Variants in SLC35F4 observed in about 807,000 individuals in gnomAD.
The protein encoded by SLC35F4 is solute carrier family 35 member F4, also known as chromosome 14 open reading frame 36.
Under a neutral mutation model 44.2 loss-of-function variants are expected in SLC35F4, and 24 were observed. That is an observed-to-expected ratio of 0.54 (90% CI 0.39 to 0.76). SLC35F4 has a LOEUF of 0.76. Ranked by LOEUF, SLC35F4 falls within the 30% of genes least tolerant of loss-of-function variation. The pLI is 0.00. For synonymous variants in SLC35F4, 238 were observed against 223.6 expected (o/e 1.06, Z -0.57); for missense variants, 562 against 586.1 (o/e 0.96, Z 0.42).
At chr14:57,745,996 C>T (rs2076743448) in intron 1 of SLC35F4, among the ~76,000 whole-genome samples, 1 of 151,976 alleles carries the variant, frequency 6.6e-6, no homozygotes, top group Non-Finnish European at 1.5e-5. Context: ...AAAAACCAAA[C>T]ACCACATGTT....
chr14:57,706,989 A>G (rs1271278767), intron 1 of SLC35F4, among the ~76,000 whole-genome samples: 1 of 152,214 alleles, frequency 6.6e-6, no homozygotes, highest in Non-Finnish European at 1.5e-5. Context: ...GGATGTGAGA[A>G]GACTGGTTTG....
chr14:57,962,042 T>C (rs1195055190), intron 1 of SLC35F4, among the ~76,000 whole-genome samples: 1 of 152,212 alleles, frequency 6.6e-6, no homozygotes, highest in Non-Finnish European at 1.5e-5. Context: ...GATCGGCCAA[T>C]AATAAATGAT....
intron 1 of SLC35F4, among the ~76,000 whole-genome samples, chr14:57,853,098 A>G (rs753274383): frequency 2.6e-5 from 4 of 152,186 alleles, no homozygotes; most frequent in Admixed American, 2.0e-4. Context: ...GTATTGCCCT[A>G]TCTGACCTAG....
At chr14:57,827,930 AATAACCTGCATCTAC>A (rs1311296440) in intron 1 of SLC35F4, among the ~76,000 whole-genome samples, 2 of 152,208 alleles carry the variant, frequency 1.3e-5, no homozygotes, top group African/African-American at 4.8e-5. Context: ...GATTTCAGCT[AATAACCTGCATCTAC>A]ATTTGTTTTG....
intron 4 of SLC35F4, among the ~76,000 whole-genome samples, chr14:57,575,507 A>C (rs1251551188): frequency 6.6e-6 from 1 of 152,112 alleles, no homozygotes; most frequent in Non-Finnish European, 1.5e-5. Context: ...GATGGGGAAA[A>C]AAAAAACTCA....
chr14:57,598,837 A>G (rs2070644040), intron 1 of SLC35F4, among the ~76,000 whole-genome samples: 1 of 152,196 alleles, frequency 6.6e-6, no homozygotes, highest in Non-Finnish European at 1.5e-5. Flanking sequence ...ACCTAAAGGT[A>G]GAAATCATGA....
intron 1 of SLC35F4, among the ~76,000 whole-genome samples, chr14:57,695,001 C>T (rs73288210): frequency 0.03 from 4,503 of 152,064 alleles, 217 homozygotes; most frequent in African/African-American, 0.1. Flanking sequence ...CTTCTTTACA[C>T]GTTATACAAA....
intron 1 of SLC35F4, among the ~76,000 whole-genome samples, chr14:57,980,577 T>C (rs906231518): frequency 6.6e-6 from 1 of 152,092 alleles, no homozygotes; most frequent in Non-Finnish European, 1.5e-5. Flanking sequence ...ATTTCAAGCA[T>C]AGCATGTGGC....
chr14:57,646,162 C>T (rs562557103), intron 1 of SLC35F4, among the ~76,000 whole-genome samples: 41 of 152,284 alleles, frequency 2.7e-4, no homozygotes, highest in African/African-American at 9.9e-4. Context: ...AGGATTCCCT[C>T]TTTTTCTATT....
chr14:57,891,531 A>T (rs148039992), intron 1 of SLC35F4, among the ~76,000 whole-genome samples: 8 of 152,262 alleles, frequency 5.3e-5, no homozygotes, highest in Non-Finnish European at 1.2e-4. Context: ...GCTAACTCAG[A>T]TTAGTAAGAA....
At chr14:57,571,115 G>A (rs2068479592) in intron 5 of SLC35F4, among the ~76,000 whole-genome samples, 1 of 152,184 alleles carries the variant, frequency 6.6e-6, no homozygotes, top group South Asian at 2.1e-4. Flanking sequence ...CTTTCAGAGT[G>A]TGTTTTCTCA....
intron 1 of SLC35F4, among the ~76,000 whole-genome samples, chr14:57,628,325 T>C (rs12893325): frequency 0.57 from 74,385 of 130,470 alleles, 22,654 homozygotes; most frequent in Non-Finnish European, 0.71. Context: ...ATACTTTAAG[T>C]TCTGGGGTAC....
At chr14:57,640,997 A>C (rs2073207490) in intron 1 of SLC35F4, among the ~76,000 whole-genome samples, 1 of 152,012 alleles carries the variant, frequency 6.6e-6, no homozygotes, top group Non-Finnish European at 1.5e-5. Context: ...CACCAATATA[A>C]TGGTTTTCTG....
At chr14:57,757,539 CTTAT>C (rs143969136) in intron 1 of SLC35F4, among the ~76,000 whole-genome samples, 17,832 of 151,634 alleles carry the variant, frequency 0.12, 1,250 homozygotes, top group South Asian at 0.18. Flanking sequence ...TGTTGTTTTA[CTTAT>C]TTGTTTTTAT....
chr14:57,576,689 G>T (rs1296508891), intron 4 of SLC35F4, among the ~76,000 whole-genome samples: 1 of 152,128 alleles, frequency 6.6e-6, no homozygotes, highest in African/African-American at 2.4e-5. Flanking sequence ...TGTGACAGGG[G>T]GAAGGGGGGT....
chr14:57,927,921 G>A (rs1889613636), intron 1 of SLC35F4, among the ~76,000 whole-genome samples: 1 of 151,886 alleles, frequency 6.6e-6, no homozygotes, highest in Non-Finnish European at 1.5e-5. Context: ...AGAACTCTTT[G>A]TCTGGATCTA....
At chr14:57,628,236 T>C (rs1481531772) in intron 1 of SLC35F4, among the ~76,000 whole-genome samples, 1 of 66,940 alleles carries the variant, frequency 1.5e-5, no homozygotes, top group African/African-American at 5.0e-5. Context: ...GCTTTCTATA[T>C]GACTGAATTT....
chr14:57,906,969 A>G (rs1015982967), intron 1 of SLC35F4, among the ~76,000 whole-genome samples: 2 of 152,246 alleles, frequency 1.3e-5, no homozygotes, highest in African/African-American at 4.8e-5. Context: ...TTGCTTTCCA[A>G]TAACCAATAT....
chr14:57,606,223 G>C (rs1023541408), intron 1 of SLC35F4, among the ~76,000 whole-genome samples: 2 of 148,298 alleles, frequency 1.3e-5, no homozygotes, highest in Non-Finnish European at 3.0e-5. Flanking sequence ...ATTAAACAAA[G>C]TTCCAAATGT....
Sources: allele counts gnomAD v4.1 joint callset (sites outside exome capture counted in the v4.1 genomes callset), GRCh38; gene constraint gnomAD v4.1.1; transcripts MANE v1.5; gene names NCBI Gene and HGNC (gene_info 2026-07-23, HGNC 2026-07-21).